RGSL1: variants seen among roughly 807,000 people sequenced by gnomAD.
The protein encoded by RGSL1 is regulator of G protein signaling like 1.
Under a neutral mutation model 124.7 loss-of-function variants are expected in RGSL1, and 97 were observed. The observed-to-expected ratio is 0.78, with a 90% confidence interval of 0.66 to 0.92. The LOEUF is 0.92. RGSL1 is among the 40% of genes least tolerant of loss of function. RGSL1 has a pLI of 0.00. For missense variants in RGSL1, 1,233 were observed against 1,288.4 expected, an observed-to-expected ratio of 0.96 and a Z score of 0.66; for synonymous variants, 424 against 438.1, an observed-to-expected ratio of 0.97 and a Z score of 0.40.
intron 14 of RGSL1, among the ~76,000 whole-genome samples, chr1:182,533,297 T>C (rs1301333267): frequency 7.8e-5 from 8 of 102,190 alleles, no homozygotes; most frequent in Non-Finnish European, 9.8e-5. Flanking sequence ...AACTTGCTTC[T>C]TTTTTTTTTT....
At chr1:182,480,261 AT>A (rs1209548847) in intron 6 of RGSL1, among the ~76,000 whole-genome samples, 1 of 152,094 alleles carries the variant, frequency 6.6e-6, no homozygotes, top group Non-Finnish European at 1.5e-5. Context: ...GTCTTAACAA[AT>A]TTAAGATTAA....
At chr1:182,515,754 C>T (rs1267946277) in intron 9 of RGSL1, among the ~76,000 whole-genome samples, 1 of 152,124 alleles carries the variant, frequency 6.6e-6, no homozygotes, top group Non-Finnish European at 1.5e-5. Flanking sequence ...TTTTTTCCCA[C>T]CCGCACCGTG....
rs541249605 is a variant in RGSL1, at chr1:182,462,348, A to T, written c.301+2215A>T. Among the ~76,000 whole-genome samples the T allele has an allele frequency of 5.3e-5, 8 of 152,340 alleles. No individual in the cohort carries two copies. In the South Asian group the frequency reaches 1.4e-3, roughly 28 times the overall value. ...AGCTTTCCCGCAAGAAATGCTCAAG[A>T]GAGTCCTGCAGGGTGAAATGAAAGA... On this transcript the variant is annotated intron_variant, in intron 4 of 21. Transcript: ENST00000294854.
chr1:182,502,035 C>T (rs934483543), intron 9 of RGSL1, among the ~76,000 whole-genome samples: 1 of 152,108 alleles, frequency 6.6e-6, no homozygotes, highest in African/African-American at 2.4e-5. Flanking sequence ...TAGTAGTTCT[C>T]TTGTAATCCT....
intron 9 of RGSL1, among the ~76,000 whole-genome samples, chr1:182,520,679 GT>G (rs1188417581): frequency 6.6e-6 from 1 of 151,940 alleles, no homozygotes; most frequent in East Asian, 1.9e-4. Flanking sequence ...TATTGGGAGG[GT>G]TTTTGTTTTG....
intron 5 of RGSL1, 89 bp from the exon 6 acceptor site, chr1:182,473,486 A>G: frequency 7.2e-7 from 1 of 1,380,336 alleles, no homozygotes; most frequent in Non-Finnish European, 9.6e-7. Flanking sequence ...ATACAAAGAC[A>G]TTTGAAAAAA....
intron 6 of RGSL1, among the ~76,000 whole-genome samples, chr1:182,480,086 C>G (rs184533328): frequency 5.9e-5 from 9 of 152,150 alleles, no homozygotes; most frequent in African/African-American, 2.2e-4. Flanking sequence ...ATACATCATA[C>G]GGACAGAAAA....
intron 10 of RGSL1, 27 bp from the exon 11 acceptor site, chr1:182,527,552 T>C: frequency 1.3e-6 from 2 of 1,523,180 alleles, no homozygotes; most frequent in Non-Finnish European, 1.8e-6. Flanking sequence ...CCTTTCTCTC[T>C]ACCAAAGATG....
chr1:182,523,147 G>A (rs1253755208), intron 10 of RGSL1, among the ~76,000 whole-genome samples: 1 of 151,080 alleles, frequency 6.6e-6, no homozygotes, highest in East Asian at 1.9e-4. Context: ...AGTGATCCAC[G>A]TGCTTCAGCC....
At chr1:182,545,085 CCTTT>C (rs1402501819) in intron 15 of RGSL1, among the ~76,000 whole-genome samples, 1 of 151,954 alleles carries the variant, frequency 6.6e-6, no homozygotes, top group Non-Finnish European at 1.5e-5. Flanking sequence ...TTACTGTCTT[CCTTT>C]GTGATTAAGT....
At chr1:182,500,500 A>G (rs1656267895) in intron 9 of RGSL1, among the ~76,000 whole-genome samples, 1 of 152,068 alleles carries the variant, frequency 6.6e-6, no homozygotes, top group South Asian at 2.1e-4. Flanking sequence ...ATAGCTTGCA[A>G]TTCTATGTGA....
At chr1:182,501,139 A>G (rs1656323227) in intron 9 of RGSL1, among the ~76,000 whole-genome samples, 1 of 152,020 alleles carries the variant, frequency 6.6e-6, no homozygotes, top group South Asian at 2.1e-4. Context: ...GCCTTTTATC[A>G]TGTTGAGGAT....
intron 9 of RGSL1, among the ~76,000 whole-genome samples, chr1:182,520,012 CTTA>C (rs1160565502): frequency 6.6e-6 from 1 of 151,950 alleles, no homozygotes; most frequent in East Asian, 1.9e-4. Context: ...CTTTTCTGTG[CTTA>C]TTTCAAGTGC....
chr1:182,488,425 A>G (rs560057799), intron 7 of RGSL1, 78 bp downstream of exon 7: 1 of 1,288,852 alleles, frequency 7.8e-7, no homozygotes, highest in Non-Finnish European at 1.1e-6. Context: ...TAAAAGGGTT[A>G]TGTGTTAAAG....
At chr1:182,516,709 A>AAC (rs1657922902) in intron 9 of RGSL1, among the ~76,000 whole-genome samples, 2 of 151,974 alleles carry the variant, frequency 1.3e-5, no homozygotes, top group Admixed American at 6.5e-5. Flanking sequence ...TAAAGAATAA[A>AAC]AAGGAAAATA....
chr1:182,484,371 G>T (rs1207545126), intron 6 of RGSL1, among the ~76,000 whole-genome samples: 1 of 152,092 alleles, frequency 6.6e-6, no homozygotes, highest in East Asian at 1.9e-4. Flanking sequence ...CTCAGCTTAG[G>T]TATTGGTGTA....
At chr1:182,527,503 C>G in intron 10 of RGSL1, 76 bp from the exon 11 acceptor site, 1 of 1,270,996 alleles carries the variant, frequency 7.9e-7, no homozygotes, top group Non-Finnish European at 1.1e-6. Flanking sequence ...CAATGCACTT[C>G]CCCATTTCCT....
chr1:182,459,911 G>C, intron 3 of RGSL1, 93 bp from the exon 4 acceptor site: 1 of 1,443,512 alleles, frequency 6.9e-7, no homozygotes, highest in Non-Finnish European at 9.3e-7. Flanking sequence ...GACACTGCAA[G>C]TGTGAGGTGA....
chr1:182,472,468 G>A lies in RGSL1; in HGVS notation c.374G>A (p.Arg125Lys), dbSNP rs1208794775. 4 of 1,551,258 alleles carry A rather than the reference G, an allele frequency of 2.6e-6. No individual in the cohort carries two copies. In the South Asian group the frequency reaches 3.6e-5, roughly 14 times the overall value. The change falls in exon 5 of 22, where the codon AGA becomes AAA. Residue 125 changes from arginine to lysine, a missense_variant. Transcript: ENST00000294854. ...LSIDEMDLEV[R>K]DYYLSLLLML... ...ATAGATGAGATGGACCTGGAAGTGA[G>A]AGACTACTACCTGTCCCTCCTCCTC...
Sources: allele counts gnomAD v4.1 joint callset (sites outside exome capture counted in the v4.1 genomes callset), GRCh38; gene constraint gnomAD v4.1.1; transcripts MANE v1.5; gene names NCBI Gene and HGNC (gene_info 2026-07-23, HGNC 2026-07-21).